The following ARGLU1 variants were observed in gnomAD, a reference collection of about 807,000 sequenced individuals.
ARGLU1 encodes the protein arginine and glutamate-rich protein 1.
A neutral mutation model predicts 37.6 loss-of-function variants in ARGLU1; 9 were observed. The ratio of observed to expected loss-of-function variants is 0.24; its 90% CI spans 0.14 to 0.42. ARGLU1 has a LOEUF of 0.42. ARGLU1 is among the 10% of genes least tolerant of loss of function. ARGLU1 has a pLI of 1.00. For synonymous variants in ARGLU1, 166 were observed against 138.5 expected (o/e 1.20, Z -1.39); for missense variants, 211 against 359.2 (o/e 0.59, Z 3.34).
At chr13:106,562,294 T>C (rs1470331368) in intron 1 of ARGLU1, among the ~76,000 whole-genome samples, 1 of 152,216 alleles carries the variant, frequency 6.6e-6, no homozygotes, top group Non-Finnish European at 1.5e-5. Context: ...AGCTCAATTT[T>C]ATCCCCTCAC....
chr13:106,559,612 T>C lies in ARGLU1; in HGVS notation c.393A>G (p.Ala131=). ...IEEKLIEEET[A]RRVEELVAKR... Reference sequence around the variant, plus strand: ...TTGCTACCAATTCTTCTACTCTTCGTGCTGTTTCTTCCTCGATGAGTTTTT... The same window carrying C: ...TTGCTACCAATTCTTCTACTCTTCGCGCTGTTTCTTCCTCGATGAGTTTTT... The change falls in exon 2 of 4, where the codon GCA becomes GCG. Residue 131 remains alanine, a synonymous_variant. Coordinates refer to ENST00000400198, the MANE Select transcript of ARGLU1 (RefSeq NM_018011.4). The C allele has an allele frequency of 6.2e-7, 1 of 1,614,210 alleles. No individual in the cohort carries two copies. Among genetic ancestry groups the C allele is most frequent in the Non-Finnish European group, 8.5e-7 (1 of 1,180,030 alleles).
At chr13:106,556,100 A>G (rs905628607) in intron 3 of ARGLU1, among the ~76,000 whole-genome samples, 7 of 152,210 alleles carry the variant, frequency 4.6e-5, no homozygotes, top group African/African-American at 7.2e-5. Flanking sequence ...AAAAAAAGTT[A>G]TCACATACTT....
At position 106,567,259 on chromosome 13, in the gene ARGLU1, T is replaced by G. The variant is rs1005971184; in HGVS notation, c.347+314A>C. ...CACAAGCCAACGCAGCTCTCCGACC[T>G]CACTCCGAACTCCACCCCTACTTCC... On this transcript the variant is annotated intron_variant, in intron 1 of 3. Coordinates refer to ENST00000400198, the MANE Select transcript of ARGLU1 (RefSeq NM_018011.4). This position sits in a 1 kb window ranked among gnomAD's most constrained non-coding sequence, Gnocchi z 4.3. 1.3e-5 allele frequency among the ~76,000 whole-genome samples: 2 copies of G among 151,920 alleles called. No homozygotes were observed. The highest frequency in any genetic ancestry group is 1.9e-4 in the East Asian group (1 of 5,140).
Position 106,543,872 on chromosome 13 carries a change from A to C in ARGLU1, c.*124T>G. On this transcript the variant is annotated 3_prime_UTR_variant, in exon 4 of 4. Transcript: ENST00000400198. ...ATTGCAGAGCATAGCCCCTATTAGA[A>C]CAAGCTAACTTTCCAGATTTTACAA... 3.1e-6 allele frequency: 3 copies of C among 978,786 alleles called. No individual in the cohort carries two copies. The highest frequency in any genetic ancestry group is 4.4e-6 in the Non-Finnish European group (3 of 682,338). The allele number at this position is 978,786 out of a possible 1,614,324, so 60.6% of individuals were successfully genotyped here. A position where few individuals can be genotyped will look rare whatever the true frequency, so the allele number is the denominator to read the frequency against.
At chr13:106,558,933 A>G (rs1372453369) in intron 2 of ARGLU1, 1 of 985,334 alleles carries the variant, frequency 1.0e-6, no homozygotes, top group Non-Finnish European at 1.2e-6. Context: ...GGGATAAAAG[A>G]AGGAAAAAAA....
At chr13:106,561,424 TACACACACACACACACACAC>T (rs59373729) in intron 1 of ARGLU1, among the ~76,000 whole-genome samples, 1 of 147,860 alleles carries the variant, frequency 6.8e-6, no homozygotes, top group African/African-American at 2.5e-5. Context: ...TAATAAAGTG[TACACACACACACACACACAC>T]ACACACACAC....
rs1880325421 is a variant in ARGLU1, at chr13:106,543,881, C to A, written c.*115G>T. 1.5e-5 allele frequency: 14 copies of A among 939,518 alleles called. No individual in the cohort carries two copies. The highest frequency in any genetic ancestry group is 1.8e-5 in the African/African-American group (1 of 55,186). 58.2% of individuals were successfully genotyped at this position (939,518 alleles called of 1,614,324 possible). On this transcript the variant is annotated 3_prime_UTR_variant, in exon 4 of 4. Coordinates refer to ENST00000400198, the MANE Select transcript of ARGLU1 (RefSeq NM_018011.4). ...CATAGCCCCTATTAGAACAAGCTAA[C>A]TTTCCAGATTTTACAAATTAAAAAA...
At chr13:106,545,267 A>G (rs564997041) in intron 3 of ARGLU1, among the ~76,000 whole-genome samples, 76 of 152,276 alleles carry the variant, frequency 5.0e-4, no homozygotes, top group Non-Finnish European at 5.3e-4. Context: ...ACCCTTTTTA[A>G]TATCAGTTAT....
At position 106,542,246 on chromosome 13, in the gene ARGLU1, C is replaced by T. The variant is rs931556257; in HGVS notation, c.*1750G>A. On this transcript the variant is annotated 3_prime_UTR_variant, in exon 4 of 4. Transcript: ENST00000400198. Reference sequence around the variant, plus strand: ...AGAACAGTTTTTAAATAAACATTTCCAAAAACTTGAATACAGAACTTAGGA... The same window carrying T: ...AGAACAGTTTTTAAATAAACATTTCTAAAAACTTGAATACAGAACTTAGGA... 4 of 149,756 alleles carry T rather than the reference C, an allele frequency of 2.7e-5. No homozygotes were observed. Among genetic ancestry groups the T allele is most frequent in the Non-Finnish European group, 5.9e-5 (4 of 67,526 alleles). The allele number at this position is 149,756 out of a possible 1,614,324, so 9.3% of individuals were successfully genotyped here. A position where few individuals can be genotyped will look rare whatever the true frequency, so the allele number is the denominator to read the frequency against.
rs762868598 is a variant in ARGLU1, at chr13:106,567,684, G to A, written c.236C>T (p.Pro79Leu). ...ERDRERASSP[P>L]DRIDIFGRTV... Reference sequence around the variant, plus strand: ...GCGCCCGAAGATGTCGATGCGGTCGGGCGGGGACGAGGCGCGCTCCCGGTC... The same window carrying A: ...GCGCCCGAAGATGTCGATGCGGTCGAGCGGGGACGAGGCGCGCTCCCGGTC... The change falls in exon 1 of 4, where the codon CCC becomes CTC. Residue 79 changes from proline to leucine, a missense_variant. Physicochemically the swap from Pro to Leu is moderately conservative, Grantham distance 98. This residue lies in a region of ARGLU1 where 130 missense variants were observed against 179.8 expected (regional missense o/e 0.72). Transcript: ENST00000400198. The surrounding 1 kb of genome is among the most constrained non-coding windows in gnomAD (Gnocchi z 4.3). 1.2e-6 allele frequency: 2 copies of A among 1,613,320 alleles called. No individual in the cohort carries two copies. The highest frequency in any genetic ancestry group is 1.7e-5 in the Admixed American group (1 of 60,006).
Position 106,557,670 on chromosome 13 carries a change from C to A in ARGLU1, c.574-539G>T. ...GCAATACCTGCATCAGCAGCTCAAC[C>A]ATTTATAAAGAAACAACATACAAGG... On this transcript the variant is annotated intron_variant, in intron 2 of 3. Coordinates refer to ENST00000400198, the MANE Select transcript of ARGLU1 (RefSeq NM_018011.4). This position sits in a 1 kb window ranked among gnomAD's most constrained non-coding sequence, Gnocchi z 5.0. The A allele has an allele frequency of 6.4e-7, 1 of 1,554,918 alleles. No individual in the cohort carries two copies. Among genetic ancestry groups the A allele is most frequent in the Non-Finnish European group, 8.7e-7 (1 of 1,148,452 alleles).
intron 3 of ARGLU1, among the ~76,000 whole-genome samples, chr13:106,550,900 G>A (rs949751353): frequency 1.3e-5 from 2 of 152,126 alleles, no homozygotes; most frequent in East Asian, 1.9e-4. Context: ...TTCCTTCATC[G>A]TGTCATGTGT....
chr13:106,567,992 A>G lies in ARGLU1; in HGVS notation c.-73T>C. On this transcript the variant is annotated 5_prime_UTR_variant, in exon 1 of 4. Transcript: ENST00000400198. The surrounding 1 kb of genome is among the most constrained non-coding windows in gnomAD (Gnocchi z 4.3). ...CAGTTCCCCTCGCCTCCGCCTTCGG[A>G]CGCGGGCTGGCGGTTCTACCGAGGC... 2 of 1,513,438 alleles carry G rather than the reference A, an allele frequency of 1.3e-6. No individual in the cohort carries two copies. The highest frequency in any genetic ancestry group is 1.8e-4 in the Middle Eastern group (1 of 5,694). The allele number at this position is 1,513,438 out of a possible 1,614,324, so 93.8% of individuals were successfully genotyped here.
chr13:106,545,917 C>T (rs117797410), intron 3 of ARGLU1, among the ~76,000 whole-genome samples: 520 of 152,286 alleles, frequency 3.4e-3, no homozygotes, highest in Admixed American at 8.4e-3. Flanking sequence ...TTAGACCTGG[C>T]TACTGGACAC....
intron 3 of ARGLU1, among the ~76,000 whole-genome samples, chr13:106,544,985 C>G (rs1348119796): frequency 6.6e-6 from 1 of 152,204 alleles, no homozygotes; most frequent in South Asian, 2.1e-4. Flanking sequence ...AGATTTCCCC[C>G]TCTTTACCAA....
At chr13:106,553,212 T>G (rs774191030) in intron 3 of ARGLU1, among the ~76,000 whole-genome samples, 1 of 152,244 alleles carries the variant, frequency 6.6e-6, no homozygotes, top group Non-Finnish European at 1.5e-5. Context: ...TTTTGGCTTA[T>G]TTTTCTGTCT....
chr13:106,545,194 G>A (rs1880360236), intron 3 of ARGLU1, among the ~76,000 whole-genome samples: 1 of 152,134 alleles, frequency 6.6e-6, no homozygotes, highest in Non-Finnish European at 1.5e-5. Context: ...CCTATAATAT[G>A]GAAGACAGCT....
intron 3 of ARGLU1, among the ~76,000 whole-genome samples, chr13:106,549,841 T>C (rs989322275): frequency 3.3e-5 from 5 of 152,246 alleles, no homozygotes; most frequent in Admixed American, 1.3e-4. Flanking sequence ...GTGACTGAGA[T>C]TGAGCTTTGT....
chr13:106,561,680 A>C (rs1176976196), intron 1 of ARGLU1, among the ~76,000 whole-genome samples: 1 of 152,220 alleles, frequency 6.6e-6, no homozygotes, highest in African/African-American at 2.4e-5. Context: ...TTGCCATCTT[A>C]AGAATTTGGT....
Sources: gnomAD v4.1 joint callset for allele counts (sites outside exome capture counted in the v4.1 genomes callset) on GRCh38, gnomAD v4.1.1 for gene constraint, gnomAD v4.1.1 regional missense constraint, Gnocchi (gnomAD v3.1) non-coding constraint, MANE v1.5 for transcripts, NCBI Gene and HGNC (gene_info 2026-07-23, HGNC 2026-07-21) for gene names.